The following POT1 variants were observed in gnomAD, a reference collection of about 807,000 sequenced individuals.
POT1 encodes the protein protection of telomeres 1.
Under a neutral mutation model 78.5 loss-of-function variants are expected in POT1, and 47 were observed. That is an observed-to-expected ratio of 0.60 (90% CI 0.47 to 0.76). The LOEUF is 0.76. Among genes scored for constraint, POT1 ranks in the 30% least tolerant of loss-of-function variants. POT1 has a pLI of 0.00. For synonymous variants in POT1, 259 were observed against 260.7 expected, an observed-to-expected ratio of 0.99 and a Z score of 0.06; for missense variants, 646 against 749.9, an observed-to-expected ratio of 0.86 and a Z score of 1.62.
At chr7:124,908,744 T>G (rs1372296042) in intron 3 of POT1, among the ~76,000 whole-genome samples, 1 of 151,922 alleles carries the variant, frequency 6.6e-6, no homozygotes, top group Non-Finnish European at 1.5e-5. Flanking sequence ...ACATCTATCA[T>G]AGAATACAAA....
chr7:124,831,946 A>C (rs1257953022), intron 15 of POT1, among the ~76,000 whole-genome samples: 1 of 151,286 alleles, frequency 6.6e-6, no homozygotes, highest in Non-Finnish European at 1.5e-5. Flanking sequence ...GAGTTAGAGA[A>C]GGGATTGATA....
intron 18 of POT1, 26 bp from the exon 19 acceptor site, chr7:124,824,100 G>T: frequency 7.0e-7 from 1 of 1,422,078 alleles, no homozygotes; most frequent in Non-Finnish European, 9.8e-7. Flanking sequence ...CAAAAAAAGC[G>T]ATTTAACCAT....
In POT1 at chr7:124,842,929, T is replaced by G; in HGVS notation, c.1041A>C (p.Pro347=). 2 of 1,600,658 alleles carry G rather than the reference T, an allele frequency of 1.2e-6. No homozygotes were observed. The highest frequency in any genetic ancestry group is 1.7e-6 in the Non-Finnish European group (2 of 1,175,870). The part of the protein sequence containing the change: ...LTDHQYLERT[P]LCAILKQKAP... ...CTTTTTGTTTCAAAATGGCACATAG[T>G]GGTGTCCTCTCCAAATACTGATGAT... is the stretch of plus-strand genomic sequence containing the variant. The change falls in exon 13 of 19, where the codon CCA becomes CCC. Residue 347 remains proline, a synonymous_variant. Transcript: ENST00000357628.
chr7:124,882,599 T>G (rs1796144832), intron 6 of POT1, among the ~76,000 whole-genome samples: 1 of 151,978 alleles, frequency 6.6e-6, no homozygotes, highest in Non-Finnish European at 1.5e-5. Flanking sequence ...TAAACGTTAT[T>G]CTGGTGGAGT....
intron 10 of POT1, 54 bp from the exon 11 acceptor site, chr7:124,852,005 A>G (rs1795321141): frequency 8.2e-7 from 1 of 1,221,008 alleles, no homozygotes. Flanking sequence ...CAATATAGTA[A>G]ATTTAGCTCT....
intron 3 of POT1, among the ~76,000 whole-genome samples, chr7:124,903,170 CG>C (rs1796667423): frequency 6.6e-6 from 1 of 152,132 alleles, no homozygotes; most frequent in Non-Finnish European, 1.5e-5. Context: ...CTGCACCAAG[CG>C]GACCTAATAG....
intron 3 of POT1, among the ~76,000 whole-genome samples, chr7:124,908,370 T>A (rs1796814584): frequency 6.6e-6 from 1 of 152,046 alleles, no homozygotes. Context: ...ATATTAGCAT[T>A]AAAAACCAAA....
chr7:124,921,873 A>C (rs1348397534), intron 2 of POT1, among the ~76,000 whole-genome samples: 1 of 152,066 alleles, frequency 6.6e-6, no homozygotes, highest in Non-Finnish European at 1.5e-5. Context: ...GGCAGGAAAA[A>C]AAAATATTTC....
In POT1 at chr7:124,851,677, A is replaced by C. The variant is rs1043958907; in HGVS notation, c.949+195T>G. 1.2e-5 allele frequency: 7 copies of C among 571,744 alleles called. No homozygotes were observed. In the Admixed American group the frequency reaches 2.0e-4, roughly 16 times the overall value. 35.4% of individuals were successfully genotyped at this position (571,744 alleles called of 1,614,324 possible). A position where few individuals can be genotyped will look rare whatever the true frequency, so the allele number is the denominator to read the frequency against. On this transcript the variant is annotated intron_variant, in intron 11 of 18. Transcript: ENST00000357628. ...AAGTAATCACTACCACCCAATTTGA[A>C]AACGTAATTATATAATTTAGGAAGA... is the stretch of plus-strand genomic sequence containing the variant.
chr7:124,850,731 CA>C (rs948338250), intron 11 of POT1, among the ~76,000 whole-genome samples: 1 of 143,960 alleles, frequency 6.9e-6, no homozygotes, highest in African/African-American at 2.6e-5. Flanking sequence ...GACTCTGTCT[CA>C]AAAAAAAACA....
intron 16 of POT1, 165 bp downstream of exon 16, chr7:124,829,089 G>C: frequency 1.3e-6 from 1 of 762,476 alleles, no homozygotes; most frequent in South Asian, 1.4e-5. Context: ...CTAAAGGAAG[G>C]CTTGGCAGAT....
chr7:124,846,088 C>T (rs1795156391), intron 12 of POT1, among the ~76,000 whole-genome samples: 1 of 151,792 alleles, frequency 6.6e-6, no homozygotes, highest in Non-Finnish European at 1.5e-5. Flanking sequence ...GTGCTTATGG[C>T]AACTGGAGTG....
At chr7:124,824,175 T>C in intron 18 of POT1, 101 bp from the exon 19 acceptor site, 2 of 667,256 alleles carry the variant, frequency 3.0e-6, no homozygotes, top group Non-Finnish European at 4.9e-6. Context: ...AAAATTAACA[T>C]TTATTTTGGC....
intron 3 of POT1, among the ~76,000 whole-genome samples, chr7:124,908,941 T>C (rs1040010880): frequency 6.6e-6 from 1 of 151,840 alleles, no homozygotes; most frequent in African/African-American, 2.4e-5. Flanking sequence ...ATCAAACATC[T>C]TCATTTTTCA....
intron 7 of POT1, among the ~76,000 whole-genome samples, chr7:124,869,382 T>C (rs545732059): frequency 5.3e-5 from 8 of 152,298 alleles, no homozygotes; most frequent in Non-Finnish European, 1.2e-4. Flanking sequence ...TATGTGAGTA[T>C]GGTTATATTG....
chr7:124,840,002 T>TG (rs1438090033), intron 14 of POT1, among the ~76,000 whole-genome samples: 3 of 151,656 alleles, frequency 2.0e-5, no homozygotes, highest in South Asian at 4.2e-4. Flanking sequence ...ACTTCATTTT[T>TG]TTTTTTTTTA....
chr7:124,916,760 T>C (rs1309295624), intron 2 of POT1, among the ~76,000 whole-genome samples: 1 of 152,092 alleles, frequency 6.6e-6, no homozygotes, highest in Non-Finnish European at 1.5e-5. Flanking sequence ...AGAGGCCAAG[T>C]ATGGTGCAAT....
At chr7:124,872,880 A>G (rs1361466932) in intron 6 of POT1, among the ~76,000 whole-genome samples, 1 of 152,198 alleles carries the variant, frequency 6.6e-6, no homozygotes, top group Non-Finnish European at 1.5e-5. Flanking sequence ...CTTTTTGATA[A>G]CAGCTATCCT....
In POT1 at chr7:124,853,062, C is replaced by T. The variant is rs1323715274; in HGVS notation, c.779G>A (p.Ser260Asn). ...ACCTCCATGAAGATGAAACTCTAAA[C>T]TTAACATTGTCTGATTCTCTGAATT... The part of the protein sequence containing the change: ...SMNSENQTML[S>N]LEFHLHGGTS... Residue 260 changes from serine to asparagine, a missense_variant, in exon 10 of 19, where the codon AGT becomes AAT. Physicochemically the swap from Ser to Asn is conservative, Grantham distance 46. Transcript: ENST00000357628. 1 of 1,611,082 alleles carries T rather than the reference C, an allele frequency of 6.2e-7. No individual in the cohort carries two copies. Among genetic ancestry groups the T allele is most frequent in the Non-Finnish European group, 8.5e-7 (1 of 1,177,374 alleles).
Sources: allele counts gnomAD v4.1 joint callset (sites outside exome capture counted in the v4.1 genomes callset), GRCh38; gene constraint gnomAD v4.1.1; transcripts MANE v1.5; gene names NCBI Gene and HGNC (gene_info 2026-07-23, HGNC 2026-07-21).